Variants in PAPPA2 observed in about 807,000 individuals in gnomAD.
PAPPA2 encodes pappalysin 2, also known as pappalysin-2.
In PAPPA2, 86 loss-of-function variants were observed where a neutral mutation model predicts 176.4. That is an observed-to-expected ratio of 0.49 (90% CI 0.41 to 0.58). The LOEUF (loss-of-function observed/expected upper bound fraction) is 0.58. Among genes scored for constraint, PAPPA2 ranks in the 20% least tolerant of loss-of-function variants. The pLI is 0.00. For synonymous variants in PAPPA2, 809 were observed against 852.2 expected (o/e 0.95, Z 0.88); for missense variants, 2,073 against 2,256.9 (o/e 0.92, Z 1.65).
intron 3 of PAPPA2, among the ~76,000 whole-genome samples, chr1:176,609,666 T>C (rs1254612063): frequency 2.0e-5 from 3 of 152,080 alleles, no homozygotes; most frequent in Admixed American, 1.3e-4. Context: ...ACAGGAGACA[T>C]AGAGCCCATG....
intron 1 of PAPPA2, among the ~76,000 whole-genome samples, chr1:176,480,817 C>T (rs745344230): frequency 2.0e-5 from 3 of 151,784 alleles, no homozygotes; most frequent in African/African-American, 2.4e-5. Context: ...GAAAATCCTA[C>T]GTTCATACCT....
intron 14 of PAPPA2, among the ~76,000 whole-genome samples, chr1:176,758,852 C>A (rs1375712764): frequency 6.6e-6 from 1 of 152,178 alleles, no homozygotes; most frequent in Non-Finnish European, 1.5e-5. Context: ...ACTCCCACCC[C>A]AATACCACCA....
At chr1:176,611,881 A>G (rs1654946290) in intron 3 of PAPPA2, among the ~76,000 whole-genome samples, 2 of 152,058 alleles carry the variant, frequency 1.3e-5, no homozygotes, top group Admixed American at 1.3e-4. Context: ...TCATTCATTA[A>G]CTCATCTGAA....
chr1:176,599,195 A>C (rs535667681), intron 3 of PAPPA2, among the ~76,000 whole-genome samples: 1 of 151,914 alleles, frequency 6.6e-6, no homozygotes, highest in Admixed American at 6.6e-5. Context: ...ATGTACATAT[A>C]TATATATACA....
chr1:176,786,079 T>C (rs1421703180), intron 17 of PAPPA2, among the ~76,000 whole-genome samples: 1 of 151,550 alleles, frequency 6.6e-6, no homozygotes, highest in East Asian at 1.9e-4. Flanking sequence ...CTGTGGGAGG[T>C]GGTAGAAAGA....
intron 1 of PAPPA2, among the ~76,000 whole-genome samples, chr1:176,525,941 A>C (rs1331452137): frequency 6.6e-6 from 1 of 152,178 alleles, no homozygotes; most frequent in Admixed American, 6.5e-5. Context: ...TCTCCTGAGT[A>C]GAGGTGGGCT....
chr1:176,791,276 C>G (rs1470384540), intron 18 of PAPPA2, 71 bp from the exon 19 acceptor site: 21 of 1,231,588 alleles, frequency 1.7e-5, no homozygotes, highest in Non-Finnish European at 2.3e-5. Flanking sequence ...ACCACTTAAT[C>G]AGACCACTTT....
At chr1:176,785,351 A>G (rs929146720) in intron 17 of PAPPA2, among the ~76,000 whole-genome samples, 3 of 152,134 alleles carry the variant, frequency 2.0e-5, no homozygotes, top group Non-Finnish European at 4.4e-5. Flanking sequence ...TAACCTATCA[A>G]ATGCTTTGCT....
chr1:176,700,707 C>G (rs1660614833), intron 8 of PAPPA2, among the ~76,000 whole-genome samples: 1 of 152,216 alleles, frequency 6.6e-6, no homozygotes, highest in Admixed American at 6.5e-5. Flanking sequence ...CTAGCCAAAG[C>G]AAGTCACACA....
intron 2 of PAPPA2, among the ~76,000 whole-genome samples, chr1:176,570,780 C>G (rs1301805697): frequency 1.3e-5 from 2 of 151,728 alleles, no homozygotes; most frequent in Non-Finnish European, 2.9e-5. Flanking sequence ...CTCTGGCTCT[C>G]TGCTTACAGC....
Position 176,692,088 on chromosome 1 carries a change from A to T in PAPPA2, c.2432-38A>T, listed in dbSNP as rs760685631. 3 of 1,564,632 alleles carry T rather than the reference A, an allele frequency of 1.9e-6. 1 individual carries two copies. The South Asian group carries it at 3.5e-5, about 18-fold the overall frequency. On this transcript the variant is annotated intron_variant, in intron 5 of 22. Transcript: ENST00000367662. ...TGCCTTGGTGGACTTGATGGGTTAA[A>T]ATCTCCATCTCTTGTGCCACCTTTT... is the stretch of plus-strand genomic sequence containing the variant.
intron 3 of PAPPA2, among the ~76,000 whole-genome samples, chr1:176,632,421 C>G (rs896230826): frequency 2.6e-5 from 4 of 151,808 alleles, no homozygotes; most frequent in Non-Finnish European, 5.9e-5. Flanking sequence ...AGTGAAGACT[C>G]CGGAGGCTGA....
chr1:176,793,781 A>C (rs1665294960), intron 20 of PAPPA2, 112 bp downstream of exon 20: 1 of 702,180 alleles, frequency 1.4e-6, no homozygotes, highest in African/African-American at 1.8e-5. Flanking sequence ...CAAAGCAAAC[A>C]ACCACATGGA....
chr1:176,698,050 C>T (rs923846643), intron 7 of PAPPA2, among the ~76,000 whole-genome samples: 1 of 152,152 alleles, frequency 6.6e-6, no homozygotes, highest in Non-Finnish European at 1.5e-5. Flanking sequence ...TTTCTATTTC[C>T]TGCCTGCAGT....
At chr1:176,505,947 A>G (rs116811541) in intron 1 of PAPPA2, among the ~76,000 whole-genome samples, 2,470 of 152,216 alleles carry the variant, frequency 0.016, 32 homozygotes, top group Non-Finnish European at 0.023. Flanking sequence ...AAAAGGCTGG[A>G]AGATACTCAG....
chr1:176,677,861 T>C (rs779265542), intron 4 of PAPPA2, among the ~76,000 whole-genome samples: 1 of 152,148 alleles, frequency 6.6e-6, no homozygotes, highest in Non-Finnish European at 1.5e-5. Context: ...ATGCCATAGA[T>C]AGAATAATGA....
At chr1:176,801,758 A>T (rs988474036) in intron 21 of PAPPA2, among the ~76,000 whole-genome samples, 4 of 152,056 alleles carry the variant, frequency 2.6e-5, no homozygotes, top group Non-Finnish European at 4.4e-5. Context: ...TCTATGCATG[A>T]TCTCAAGTGG....
At chr1:176,582,410 G>C (rs993640410) in intron 2 of PAPPA2, among the ~76,000 whole-genome samples, 1 of 152,104 alleles carries the variant, frequency 6.6e-6, no homozygotes, top group African/African-American at 2.4e-5. Flanking sequence ...TAGAGAAAAC[G>C]CTTTTTGCTT....
intron 4 of PAPPA2, among the ~76,000 whole-genome samples, chr1:176,687,072 T>C (rs1434174337): frequency 6.6e-6 from 1 of 152,246 alleles, no homozygotes; most frequent in Admixed American, 6.5e-5. Context: ...CTATATTTTC[T>C]ATATTTCTAT....
Sources: gnomAD v4.1 joint callset for allele counts (sites outside exome capture counted in the v4.1 genomes callset) on GRCh38, gnomAD v4.1.1 for gene constraint, MANE v1.5 for transcripts, NCBI Gene and HGNC (gene_info 2026-07-23, HGNC 2026-07-21) for gene names.